UNC13C: variants seen among roughly 807,000 people sequenced by gnomAD.
UNC13C encodes unc-13 homolog C.
A neutral mutation model predicts 245.4 loss-of-function variants in UNC13C; 174 were observed. That is an observed-to-expected ratio of 0.71 (90% CI 0.63 to 0.80). The LOEUF (loss-of-function observed/expected upper bound fraction) is 0.80. Among genes scored for constraint, UNC13C ranks in the 30% least tolerant of loss-of-function variants. The pLI, the probability that UNC13C is intolerant of heterozygous loss-of-function variation, is 0.00. For synonymous variants in UNC13C, 992 were observed against 895.1 expected (o/e 1.11, Z -1.93); for missense variants, 2,829 against 2,602.9 (o/e 1.09, Z -1.89).
intron 17 of UNC13C, among the ~76,000 whole-genome samples, chr15:54,338,962 G>A (rs902611076): frequency 1.3e-5 from 2 of 152,192 alleles, no homozygotes; most frequent in Non-Finnish European, 2.9e-5. Context: ...TGCCTCCGGG[G>A]TTCAAGCGAT....
rs762905126 is a variant in UNC13C at position 54,627,245 on chromosome 15, T to TA, written c.*138dup. On this transcript the variant is annotated 3_prime_UTR_variant, in exon 33 of 33. Coordinates refer to ENST00000260323, the MANE Select transcript of UNC13C (RefSeq NM_001080534.3). ...TCATGTACGATGTCTACAAGGTATG[T>TA]AAAAAACCTGCTGAACTTTTATACC... 1.2e-5 allele frequency: 12 copies of TA among 966,338 alleles called. No individual in the cohort carries two copies. The highest frequency in any genetic ancestry group is 3.4e-4 in the Middle Eastern group (1 of 2,958). 59.9% of individuals were successfully genotyped at this position (966,338 alleles called of 1,614,324 possible). A position where few individuals can be genotyped will look rare whatever the true frequency, so the allele number is the denominator to read the frequency against.
chr15:54,403,788 T>C (rs990142296), intron 18 of UNC13C, among the ~76,000 whole-genome samples: 2 of 149,580 alleles, frequency 1.3e-5, no homozygotes, highest in African/African-American at 4.9e-5. Context: ...TAAAATTAAG[T>C]ATATACTTAA....
chr15:54,631,817 G>T, downstream of UNC13C: 1 of 152,078 alleles, frequency 6.6e-6, no homozygotes, highest in East Asian at 1.9e-4. Context: ...AGGATTTTGT[G>T]TATACTTGTT....
chr15:54,461,658 A>G (rs1375070414), intron 19 of UNC13C, among the ~76,000 whole-genome samples: 1 of 152,212 alleles, frequency 6.6e-6, no homozygotes, highest in Non-Finnish European at 1.5e-5. Context: ...CACAATTGTG[A>G]CAATTGAGTC....
chr15:53,858,480 G>A, the UNC13C span, among the ~76,000 whole-genome samples: 1 of 151,530 alleles, frequency 6.6e-6, no homozygotes, highest in Non-Finnish European at 1.5e-5. Flanking sequence ...GAGTGCAGTG[G>A]CATGATCTTG....
intron 4 of UNC13C, among the ~76,000 whole-genome samples, chr15:54,172,900 A>G (rs371053131): frequency 1.3e-5 from 2 of 150,916 alleles, no homozygotes; most frequent in East Asian, 3.9e-4. Context: ...CATTATAGTT[A>G]ATTTTTGTGT....
At chr15:53,871,750 G>A in the UNC13C span, among the ~76,000 whole-genome samples, 1 of 152,270 alleles carries the variant, frequency 6.6e-6, no homozygotes, top group East Asian at 1.9e-4. Context: ...GATTTCTTAT[G>A]GTTTCTTCAT....
At chr15:54,450,364 C>T (rs527334522) in intron 19 of UNC13C, among the ~76,000 whole-genome samples, 2 of 152,248 alleles carry the variant, frequency 1.3e-5, no homozygotes, top group Non-Finnish European at 2.9e-5. Context: ...GCCCTGCCCC[C>T]AGAGGTGGAG....
At chr15:54,577,786 C>A (rs1237934476) in intron 30 of UNC13C, among the ~76,000 whole-genome samples, 1 of 152,150 alleles carries the variant, frequency 6.6e-6, no homozygotes, top group African/African-American at 2.4e-5. Flanking sequence ...CTCAAACCAT[C>A]CTAAAATTCC....
chr15:54,003,061 C>T (rs1055087671), intron 1 of UNC13C, among the ~76,000 whole-genome samples: 2 of 152,146 alleles, frequency 1.3e-5, no homozygotes, highest in African/African-American at 4.8e-5. Flanking sequence ...CCAACCTCAA[C>T]GACTCTGTAG....
At chr15:53,873,590 T>C in the UNC13C span, among the ~76,000 whole-genome samples, 1 of 152,190 alleles carries the variant, frequency 6.6e-6, no homozygotes, top group Non-Finnish European at 1.5e-5. Context: ...TAGCAGTCTA[T>C]ATAAATATAC....
chr15:53,838,669 A>T, the UNC13C span, among the ~76,000 whole-genome samples: 1 of 152,014 alleles, frequency 6.6e-6, no homozygotes, highest in African/African-American at 2.4e-5. Context: ...CATTTTATTT[A>T]GGATATATGC....
At chr15:54,170,448 G>A (rs1352227659) in intron 4 of UNC13C, among the ~76,000 whole-genome samples, 1 of 152,058 alleles carries the variant, frequency 6.6e-6, no homozygotes, top group Non-Finnish European at 1.5e-5. Flanking sequence ...AAAAAGAGAT[G>A]ATCTATATAT....
At chr15:54,241,929 G>T (rs2035864128) in intron 7 of UNC13C, among the ~76,000 whole-genome samples, 1 of 152,122 alleles carries the variant, frequency 6.6e-6, no homozygotes, top group Admixed American at 6.5e-5. Flanking sequence ...TATTGCTGTT[G>T]GTTCTGTTAT....
intron 2 of UNC13C, among the ~76,000 whole-genome samples, chr15:54,045,343 T>A (rs2141041789): frequency 6.6e-6 from 1 of 152,362 alleles, no homozygotes; most frequent in Non-Finnish European, 1.5e-5. Context: ...TTAACAACCC[T>A]GTTAAAAATT....
In UNC13C at chr15:54,494,654, G is replaced by A. The variant is rs1893871281; in HGVS notation, c.4980G>A (p.Leu1660=). Residue 1660 remains leucine, a synonymous_variant, in exon 20 of 33, where the codon TTG becomes TTA. Transcript: ENST00000260323. ...RLCKSTDYMN[L]HFKVKWFYNE... ...GCAAGAGCACCGATTATATGAATTT[G>A]CATTTCAAAGTTAAATGGTTTTATA... 1 of 1,610,870 alleles carries A rather than the reference G, an allele frequency of 6.2e-7. No homozygotes were observed. The highest frequency in any genetic ancestry group is 8.5e-7 in the Non-Finnish European group (1 of 1,178,486).
chr15:54,234,958 T>C (rs2035650870), intron 4 of UNC13C, 72 bp from the exon 5 acceptor site: 2 of 1,337,716 alleles, frequency 1.5e-6, no homozygotes, highest in Non-Finnish European at 2.1e-6. Context: ...CTTTATACCA[T>C]GAACAGTGGA....
intron 2 of UNC13C, among the ~76,000 whole-genome samples, chr15:54,026,430 G>A (rs998551477): frequency 1.3e-5 from 2 of 152,170 alleles, no homozygotes; most frequent in Non-Finnish European, 2.9e-5. Flanking sequence ...TCTTCTAGAA[G>A]TTAGAACACC....
At chr15:54,629,153 G>C (rs1472162305), downstream of UNC13C, 5 of 152,084 alleles carry the variant, frequency 3.3e-5, no homozygotes, top group Admixed American at 6.6e-5. Context: ...GATGGAGCTG[G>C]AGGCCATTAC....
Sources: gnomAD v4.1 joint callset for allele counts (sites outside exome capture counted in the v4.1 genomes callset) on GRCh38, gnomAD v4.1.1 for gene constraint, MANE v1.5 for transcripts, NCBI Gene and HGNC (gene_info 2026-07-23, HGNC 2026-07-21) for gene names.